The following ARFIP1 variants were observed in gnomAD, a reference collection of about 807,000 sequenced individuals.
ARFIP1 encodes the protein arfaptin-1.
ARFIP1 carries 24 observed loss-of-function variants against 42.5 expected under a neutral mutation model. That is an observed-to-expected ratio of 0.57 (90% CI 0.41 to 0.80). The LOEUF is 0.80. ARFIP1 is among the 30% of genes least tolerant of loss of function. The pLI is 0.00. For missense variants in ARFIP1, 354 were observed against 434.0 expected (o/e 0.82, Z 1.64); for synonymous variants, 141 against 153.7 (o/e 0.92, Z 0.61).
intron 2 of ARFIP1, among the ~76,000 whole-genome samples, chr4:152,858,773 C>G (rs1733638963): frequency 6.6e-6 from 1 of 151,972 alleles, no homozygotes; most frequent in Non-Finnish European, 1.5e-5. Flanking sequence ...CAAAAATAAA[C>G]AAATATACAC....
At chr4:152,804,323 T>C (rs1299090887) in intron 1 of ARFIP1, among the ~76,000 whole-genome samples, 2 of 75,714 alleles carry the variant, frequency 2.6e-5, no homozygotes, top group Admixed American at 1.7e-4. Flanking sequence ...ACATAACATG[T>C]ATTATATATA....
rs183964763 is a variant in ARFIP1 at position 152,906,991 on chromosome 4, A to G, written c.967-3073A>G. ...AATGAGCCCTTCCTATTTAATTGCA[A>G]CTCTCACCCAGACATACATCTCACA... On this transcript the variant is annotated intron_variant, in intron 8 of 8. Transcript: ENST00000353617. 2.8e-3 allele frequency among the ~76,000 whole-genome samples: 432 copies of G among 151,734 alleles called. 4 individuals carry two copies. Among genetic ancestry groups the G allele is most frequent in the Middle Eastern group, 0.01 (3 of 294 alleles).
chr4:152,817,017 A>C (rs1013144066), intron 1 of ARFIP1, among the ~76,000 whole-genome samples: 1 of 152,214 alleles, frequency 6.6e-6, no homozygotes, highest in African/African-American at 2.4e-5. Context: ...TCTGCCAAAA[A>C]CACTTTAAGT....
chr4:152,781,581 A>T (rs1730504118), intron 1 of ARFIP1, among the ~76,000 whole-genome samples: 1 of 151,982 alleles, frequency 6.6e-6, no homozygotes, highest in Non-Finnish European at 1.5e-5. Context: ...GCTACAGATT[A>T]CTATATTTTA....
chr4:152,855,656 T>C (rs1733370956), intron 2 of ARFIP1, among the ~76,000 whole-genome samples: 2 of 152,190 alleles, frequency 1.3e-5, no homozygotes, highest in Non-Finnish European at 2.9e-5. Flanking sequence ...CCGTATCTGC[T>C]TAGATCTCAG....
intron 2 of ARFIP1, among the ~76,000 whole-genome samples, chr4:152,857,453 T>C (rs1733535732): frequency 6.6e-6 from 1 of 152,232 alleles, no homozygotes; most frequent in Non-Finnish European, 1.5e-5. Context: ...CCTAACCATA[T>C]TGCTAGTTAA....
At chr4:152,836,282 A>G (rs527924030) in intron 2 of ARFIP1, among the ~76,000 whole-genome samples, 128 of 152,232 alleles carry the variant, frequency 8.4e-4, no homozygotes, top group African/African-American at 3.0e-3. Flanking sequence ...AAGTATTCTC[A>G]CCCACACATA....
At chr4:152,885,378 C>G (rs2149895008) in intron 7 of ARFIP1, among the ~76,000 whole-genome samples, 1 of 152,066 alleles carries the variant, frequency 6.6e-6, no homozygotes, top group Non-Finnish European at 1.5e-5. Context: ...TTGTAACAGC[C>G]CATTCAACAC....
At chr4:152,885,385 A>C (rs1048183051) in intron 7 of ARFIP1, among the ~76,000 whole-genome samples, 1 of 152,016 alleles carries the variant, frequency 6.6e-6, no homozygotes, top group Non-Finnish European at 1.5e-5. Context: ...AGCCCATTCA[A>C]CACTTCTCCA....
At chr4:152,907,699 T>G (rs1738484800) in intron 8 of ARFIP1, among the ~76,000 whole-genome samples, 1 of 152,234 alleles carries the variant, frequency 6.6e-6, no homozygotes, top group Non-Finnish European at 1.5e-5. Flanking sequence ...TCATCCATAG[T>G]GATGCATGTA....
intron 1 of ARFIP1, among the ~76,000 whole-genome samples, chr4:152,816,337 A>G (rs1455910772): frequency 6.6e-6 from 1 of 152,232 alleles, no homozygotes; most frequent in African/African-American, 2.4e-5. Flanking sequence ...TCTCTCTGCC[A>G]TTTCCTCCTT....
intron 1 of ARFIP1, among the ~76,000 whole-genome samples, chr4:152,785,219 T>G (rs1730731270): frequency 6.6e-6 from 1 of 152,216 alleles, no homozygotes; most frequent in Admixed American, 6.5e-5. Context: ...GTTACTCTGT[T>G]TAATACCTTC....
intron 8 of ARFIP1, among the ~76,000 whole-genome samples, chr4:152,909,661 C>T (rs955661855): frequency 6.6e-6 from 1 of 152,104 alleles, no homozygotes; most frequent in Admixed American, 6.5e-5. Context: ...TTACATAAAG[C>T]TTAGATTTAA....
chr4:152,828,445 C>T (rs529817563), intron 1 of ARFIP1, among the ~76,000 whole-genome samples: 40 of 152,284 alleles, frequency 2.6e-4, no homozygotes, highest in African/African-American at 9.1e-4. Context: ...TTTTAATTTG[C>T]AATTCCCTTA....
intron 3 of ARFIP1, among the ~76,000 whole-genome samples, chr4:152,868,459 G>T (rs1044560407): frequency 3.9e-5 from 6 of 152,094 alleles, no homozygotes; most frequent in African/African-American, 1.4e-4. Context: ...GGTAACAGTT[G>T]TTTAAAGGGT....
intron 8 of ARFIP1, among the ~76,000 whole-genome samples, chr4:152,902,518 G>C (rs919466383): frequency 6.6e-6 from 1 of 152,060 alleles, no homozygotes; most frequent in Non-Finnish European, 1.5e-5. Flanking sequence ...CGGGGTGGGC[G>C]GGGGGAGACT....
intron 3 of ARFIP1, among the ~76,000 whole-genome samples, chr4:152,866,884 A>T (rs1202924561): frequency 6.7e-6 from 1 of 148,784 alleles, no homozygotes; most frequent in East Asian, 2.0e-4. Flanking sequence ...GGCACTCCCC[A>T]CATCTCAGAT....
At chr4:152,794,314 T>G (rs1323290041) in intron 1 of ARFIP1, among the ~76,000 whole-genome samples, 1 of 152,214 alleles carries the variant, frequency 6.6e-6, no homozygotes, top group East Asian at 1.9e-4. Context: ...GCTTGTCTTT[T>G]ATGACTATGA....
chr4:152,833,049 G>A (rs1731372246), intron 2 of ARFIP1, among the ~76,000 whole-genome samples: 1 of 151,936 alleles, frequency 6.6e-6, no homozygotes, highest in Non-Finnish European at 1.5e-5. Context: ...GTGGGACTAC[G>A]TCAAACTAAA....
Sources: allele counts gnomAD v4.1 joint callset (sites outside exome capture counted in the v4.1 genomes callset), GRCh38; gene constraint gnomAD v4.1.1; transcripts MANE v1.5; gene names NCBI Gene and HGNC (gene_info 2026-07-23, HGNC 2026-07-21).